The following CNTNAP2 variants were observed in gnomAD, a reference collection of about 807,000 sequenced individuals.
The protein encoded by CNTNAP2 is contactin-associated protein-like 2.
CNTNAP2 carries 98 observed loss-of-function variants against 155.2 expected under a neutral mutation model. That is an observed-to-expected ratio of 0.63 (90% confidence interval 0.54 to 0.75). The LOEUF (loss-of-function observed/expected upper bound fraction) is 0.75. CNTNAP2 is among the 30% of genes least tolerant of loss of function. The pLI is 0.00. For missense variants in CNTNAP2, 1,727 were observed against 1,688.1 expected, an observed-to-expected ratio of 1.02 and a Z score of -0.40; for synonymous variants, 651 against 631.2, an observed-to-expected ratio of 1.03 and a Z score of -0.47.
At chr7:147,862,415 C>T (rs889222336) in intron 13 of CNTNAP2, among the ~76,000 whole-genome samples, 27 of 152,088 alleles carry the variant, frequency 1.8e-4, no homozygotes, top group Non-Finnish European at 3.7e-4. Context: ...ATGCATCTTT[C>T]GTGTGCATAA....
chr7:147,060,317 T>C (rs913381814), intron 4 of CNTNAP2, among the ~76,000 whole-genome samples: 1 of 152,170 alleles, frequency 6.6e-6, no homozygotes, highest in Non-Finnish European at 1.5e-5. Context: ...CATTGCAAAT[T>C]ATTTAAAGCA....
intron 3 of CNTNAP2, among the ~76,000 whole-genome samples, chr7:146,922,909 T>C (rs764247306): frequency 2.0e-5 from 3 of 152,194 alleles, no homozygotes; most frequent in African/African-American, 4.8e-5. Flanking sequence ...AAGACGAGTA[T>C]GTAAAAGGTT....
rs1020020508 is a variant in CNTNAP2, at chr7:146,352,326, A to C, written c.97+235353A>C. 6.6e-5 allele frequency among the ~76,000 whole-genome samples: 10 copies of C among 152,346 alleles called. No individual in the cohort carries two copies. In the South Asian group the frequency reaches 2.1e-3, roughly 32 times the overall value. ...AACATCTTTCTTTTAGAATAGTCTT[A>C]GATGGATCTTGCACACGTATTCCAA... On this transcript the variant is annotated intron_variant, in intron 1 of 23. Transcript: ENST00000361727.
At chr7:146,913,792 G>T (rs1796338641) in intron 3 of CNTNAP2, among the ~76,000 whole-genome samples, 1 of 151,832 alleles carries the variant, frequency 6.6e-6, no homozygotes, top group East Asian at 1.9e-4. Context: ...GGGAACAGGT[G>T]GTGTTTGGTG....
chr7:147,642,240 A>C (rs10275639), intron 13 of CNTNAP2, among the ~76,000 whole-genome samples: 3,641 of 152,180 alleles, frequency 0.024, 149 homozygotes, highest in African/African-American at 0.083. Context: ...CCTGACCAGC[A>C]AAAGAACCTT....
chr7:148,285,102 A>G (rs1350360965), intron 21 of CNTNAP2, among the ~76,000 whole-genome samples: 1 of 152,260 alleles, frequency 6.6e-6, no homozygotes, highest in Non-Finnish European at 1.5e-5. Context: ...TTAAATGTTT[A>G]TAACAGATAT....
chr7:146,632,874 A>G (rs528832841), intron 1 of CNTNAP2, among the ~76,000 whole-genome samples: 2 of 151,966 alleles, frequency 1.3e-5, no homozygotes, highest in Non-Finnish European at 2.9e-5. Flanking sequence ...TGAATTAGCA[A>G]TTTGGCTGAG....
chr7:147,631,066 A>G (rs764061106), intron 12 of CNTNAP2, among the ~76,000 whole-genome samples: 1 of 152,158 alleles, frequency 6.6e-6, no homozygotes, highest in African/African-American at 2.4e-5. Context: ...TCATATACCT[A>G]GAAAACCCTA....
chr7:146,632,050 G>C (rs143690622), intron 1 of CNTNAP2, among the ~76,000 whole-genome samples: 228 of 152,242 alleles, frequency 1.5e-3, no homozygotes, highest in African/African-American at 5.2e-3. Context: ...AGCATATTCT[G>C]CAAACAAGGT....
intron 10 of CNTNAP2, among the ~76,000 whole-genome samples, chr7:147,401,384 T>C (rs962819765): frequency 3.9e-5 from 6 of 152,202 alleles, no homozygotes; most frequent in Non-Finnish European, 8.8e-5. Flanking sequence ...ATGAAGTACA[T>C]AATCACAGAC....
At chr7:146,888,472 T>G (rs1053835578) in intron 3 of CNTNAP2, among the ~76,000 whole-genome samples, 1 of 152,126 alleles carries the variant, frequency 6.6e-6, no homozygotes, top group Non-Finnish European at 1.5e-5. Flanking sequence ...ACATCATGTG[T>G]TTTTCCTTAT....
chr7:146,130,340 C>G (rs1229877247), intron 1 of CNTNAP2, among the ~76,000 whole-genome samples: 2 of 152,088 alleles, frequency 1.3e-5, no homozygotes, highest in Non-Finnish European at 1.5e-5. Flanking sequence ...TGGTGTGTGT[C>G]TGTACTGTAG....
intron 20 of CNTNAP2, among the ~76,000 whole-genome samples, chr7:148,263,904 CA>C (rs151254639): frequency 0.15 from 22,331 of 151,968 alleles, 2,088 homozygotes; most frequent in Middle Eastern, 0.23. Context: ...AAATGGCTGC[CA>C]AAAAGCCAAG....
intron 18 of CNTNAP2, among the ~76,000 whole-genome samples, chr7:148,175,069 C>A (rs966331567): frequency 6.6e-6 from 1 of 152,084 alleles, no homozygotes; most frequent in African/African-American, 2.4e-5. Context: ...CATCCATGAC[C>A]CTGCAAAAGA....
At chr7:148,134,652 A>G (rs1804900652) in intron 16 of CNTNAP2, among the ~76,000 whole-genome samples, 1 of 152,214 alleles carries the variant, frequency 6.6e-6, no homozygotes. Context: ...CAATAAAATA[A>G]TATCTTATTT....
At chr7:147,689,412 G>T (rs1232426781) in intron 13 of CNTNAP2, among the ~76,000 whole-genome samples, 6 of 152,050 alleles carry the variant, frequency 3.9e-5, no homozygotes, top group African/African-American at 1.2e-4. Context: ...GCCTCCCAAA[G>T]TGCTGGGATT....
At chr7:147,836,061 T>C (rs1317073348) in intron 13 of CNTNAP2, among the ~76,000 whole-genome samples, 1 of 152,174 alleles carries the variant, frequency 6.6e-6, no homozygotes, top group East Asian at 1.9e-4. Flanking sequence ...ATCAAGTTTG[T>C]GGTCAGTTGT....
chr7:147,043,212 A>G (rs952356391), intron 3 of CNTNAP2, among the ~76,000 whole-genome samples: 5 of 152,026 alleles, frequency 3.3e-5, no homozygotes, highest in African/African-American at 1.2e-4. Flanking sequence ...TTGTTGAATG[A>G]TCGTTATGTA....
intron 19 of CNTNAP2, among the ~76,000 whole-genome samples, chr7:148,228,697 G>T (rs545929718): frequency 7.7e-6 from 1 of 130,000 alleles, no homozygotes; most frequent in East Asian, 2.0e-4. Flanking sequence ...GCGTGGTAGC[G>T]TGCGCCTGTA....
Sources: allele counts gnomAD v4.1 joint callset (sites outside exome capture counted in the v4.1 genomes callset), GRCh38; gene constraint gnomAD v4.1.1; transcripts MANE v1.5; gene names NCBI Gene and HGNC (gene_info 2026-07-23, HGNC 2026-07-21).